SMURF2: variants seen among roughly 807,000 people sequenced by gnomAD.
The protein encoded by SMURF2 is SMAD specific E3 ubiquitin protein ligase 2, also known as E3 ubiquitin-protein ligase SMURF2.
Under a neutral mutation model 109.6 loss-of-function variants are expected in SMURF2, and 48 were observed. The ratio of observed to expected loss-of-function variants is 0.44; its 90% CI spans 0.35 to 0.56. The LOEUF (loss-of-function observed/expected upper bound fraction) is 0.56, where lower values mean the gene tolerates loss of function less well. Ranked by LOEUF, SMURF2 falls within the 20% of genes least tolerant of loss-of-function variation. The probability of loss-of-function intolerance (pLI) is 0.01; values close to 1 mark genes in which losing one functional copy is unlikely to be tolerated. For synonymous variants in SMURF2, 288 were observed against 317.1 expected, an observed-to-expected ratio of 0.91 and a Z score of 0.97; for missense variants, 575 against 909.0, an observed-to-expected ratio of 0.63 and a Z score of 4.72.
At chr17:64,555,793 T>C in intron 14 of SMURF2, 27 bp downstream of exon 14, 3 of 1,472,074 alleles carry the variant, frequency 2.0e-6, no homozygotes, top group Non-Finnish European at 2.8e-6. Context: ...GAGTTTATAA[T>C]GAAGAGATAG....
At position 64,662,261 on chromosome 17, in the gene SMURF2, C is replaced by G. The variant is rs902742934; in HGVS notation, c.-381G>C. ...CGGGCGGTGCTCGGGGGCGCCGGAG[C>G]AGAACTCTGGGCTCGGCCGCTTCCT... is the stretch of plus-strand genomic sequence containing the variant. On this transcript the variant is annotated 5_prime_UTR_variant, in exon 1 of 19. Transcript: ENST00000262435. The G allele has an allele frequency of 1.0e-6, 1 of 983,218 alleles. No homozygotes were observed. The highest frequency in any genetic ancestry group is 1.2e-6 in the Non-Finnish European group (1 of 829,160). The allele number at this position is 983,218 out of a possible 1,614,324, so 60.9% of individuals were successfully genotyped here.
intron 1 of SMURF2, among the ~76,000 whole-genome samples, chr17:64,625,952 A>G (rs1555691132): frequency 6.6e-6 from 1 of 152,194 alleles, no homozygotes; most frequent in Non-Finnish European, 1.5e-5. Flanking sequence ...ACTCTTCCAA[A>G]TGATTCTACA....
chr17:64,563,109 T>A (rs548099222), intron 10 of SMURF2, 143 bp from the exon 11 acceptor site: 1 of 668,338 alleles, frequency 1.5e-6, no homozygotes, highest in East Asian at 2.8e-5. Context: ...TGGCTTGACA[T>A]TTTTTGGCAG....
chr17:64,609,857 A>G (rs1970019533), intron 1 of SMURF2, among the ~76,000 whole-genome samples: 2 of 152,088 alleles, frequency 1.3e-5, no homozygotes, highest in African/African-American at 4.8e-5. Flanking sequence ...AAAATTTGCA[A>G]TCTATCCATC....
At chr17:64,632,103 C>A (rs1215752062) in intron 1 of SMURF2, among the ~76,000 whole-genome samples, 2 of 151,740 alleles carry the variant, frequency 1.3e-5, no homozygotes, top group African/African-American at 4.8e-5. Context: ...GGATTACAAT[C>A]GCTCACTACC....
At chr17:64,646,778 T>C (rs941172154) in intron 1 of SMURF2, among the ~76,000 whole-genome samples, 4 of 152,228 alleles carry the variant, frequency 2.6e-5, no homozygotes, top group South Asian at 4.1e-4. Context: ...TATGAAAAGA[T>C]GCTACCCAGT....
At position 64,562,965 on chromosome 17, in the gene SMURF2, G is replaced by A. The variant is rs782244329; in HGVS notation, c.1018C>T (p.Arg340Trp). Residue 340 changes from arginine to tryptophan, a missense_variant and splice_region_variant, in exon 11 of 19, where the codon CGG becomes TGG. Around this residue, in one of 5 missense-constraint regions of SMURF2, gnomAD observed 361 missense variants for 612.1 expected, o/e 0.59. Coordinates refer to ENST00000262435, the MANE Select transcript of SMURF2 (RefSeq NM_022739.4). ...LSANLHLVLN[R>W]QNQLKDQQQQ... ...TGTTGGTCTTTCAATTGGTTCTGCC[G>A]ACTAGAAGTAAACATAGATGTTATT... 13 of 1,609,742 alleles carry A rather than the reference G, an allele frequency of 8.1e-6. No individual in the cohort carries two copies. Among genetic ancestry groups the A allele is most frequent in the East Asian group, 4.5e-5 (2 of 44,828 alleles).
At chr17:64,614,049 G>C (rs782448272) in intron 1 of SMURF2, among the ~76,000 whole-genome samples, 1 of 151,942 alleles carries the variant, frequency 6.6e-6, no homozygotes, top group African/African-American at 2.4e-5. Context: ...ATCTATTGCC[G>C]CTGCTGATCT....
intron 1 of SMURF2, among the ~76,000 whole-genome samples, chr17:64,630,308 G>C (rs1448206825): frequency 1.3e-5 from 2 of 151,974 alleles, no homozygotes; most frequent in Non-Finnish European, 2.9e-5. Context: ...TTTATAAGAG[G>C]CTTCTGATTT....
At chr17:64,558,274 C>T (rs1445277368) in intron 12 of SMURF2, among the ~76,000 whole-genome samples, 2 of 152,066 alleles carry the variant, frequency 1.3e-5, no homozygotes, top group African/African-American at 4.8e-5. Flanking sequence ...TGGCAAGTGC[C>T]TATAGTCCCA....
chr17:64,626,994 A>T (rs376444926), intron 1 of SMURF2, among the ~76,000 whole-genome samples: 1 of 151,542 alleles, frequency 6.6e-6, no homozygotes. Flanking sequence ...GATAGGCTCC[A>T]GTCTTTAAGC....
At chr17:64,597,238 T>C (rs1468337304) in intron 3 of SMURF2, among the ~76,000 whole-genome samples, 8 of 151,852 alleles carry the variant, frequency 5.3e-5, no homozygotes, top group Non-Finnish European at 1.0e-4. Flanking sequence ...ACCCCATCTC[T>C]ACAAAAAATT....
chr17:64,645,369 T>C (rs1306493652), intron 1 of SMURF2, among the ~76,000 whole-genome samples: 1 of 152,124 alleles, frequency 6.6e-6, no homozygotes, highest in East Asian at 1.9e-4. Flanking sequence ...TTCCGGATTC[T>C]GATTAAACAA....
intron 1 of SMURF2, among the ~76,000 whole-genome samples, chr17:64,619,306 G>A (rs1227453871): frequency 2.0e-5 from 3 of 151,238 alleles, no homozygotes; most frequent in Non-Finnish European, 4.4e-5. Context: ...GTGAAACCCC[G>A]TCTCTACTAA....
intron 9 of SMURF2, among the ~76,000 whole-genome samples, chr17:64,576,136 C>T (rs1315254024): frequency 2.0e-5 from 3 of 151,786 alleles, no homozygotes; most frequent in African/African-American, 7.3e-5. Context: ...ACCCAGGAGG[C>T]AGAGGTTGTA....
chr17:64,561,010 T>C (rs1217679921), intron 12 of SMURF2: 2 of 153,696 alleles, frequency 1.3e-5, no homozygotes, highest in Non-Finnish European at 2.9e-5. Flanking sequence ...TAATTTGACT[T>C]GACCTGTGAG....
intron 2 of SMURF2, among the ~76,000 whole-genome samples, chr17:64,602,245 T>C (rs1393413691): frequency 1.2e-4 from 19 of 152,036 alleles, no homozygotes; most frequent in African/African-American, 4.6e-4. Context: ...GGGTGATGGG[T>C]CCACCAGAAT....
chr17:64,652,821 G>T (rs185637111), intron 1 of SMURF2, among the ~76,000 whole-genome samples: 86 of 151,780 alleles, frequency 5.7e-4, no homozygotes, highest in Non-Finnish European at 1.1e-3. Flanking sequence ...TTCAATGGAG[G>T]AAACAAAAGT....
chr17:64,586,886 C>T (rs1298416915), intron 5 of SMURF2, among the ~76,000 whole-genome samples: 1 of 151,572 alleles, frequency 6.6e-6, no homozygotes, highest in East Asian at 1.9e-4. Flanking sequence ...ATACACTGGG[C>T]TGGGCGCAGT....
Sources: allele counts gnomAD v4.1 joint callset (sites outside exome capture counted in the v4.1 genomes callset), GRCh38; gene constraint gnomAD v4.1.1; regional missense constraint gnomAD v4.1.1; transcripts MANE v1.5; gene names NCBI Gene and HGNC (gene_info 2026-07-23, HGNC 2026-07-21).